PTK2B: variants seen among roughly 807,000 people sequenced by gnomAD.
The protein encoded by PTK2B is protein-tyrosine kinase 2-beta.
Under a neutral mutation model 142.9 loss-of-function variants are expected in PTK2B, and 71 were observed. That is an observed-to-expected ratio of 0.50 (90% CI 0.41 to 0.61). The LOEUF is 0.61. Ranked by LOEUF, PTK2B falls within the 20% of genes least tolerant of loss-of-function variation. PTK2B has a pLI of 0.00. For synonymous variants in PTK2B, 519 were observed against 503.4 expected, an observed-to-expected ratio of 1.03 and a Z score of -0.42; for missense variants, 1,105 against 1,320.4, an observed-to-expected ratio of 0.84 and a Z score of 2.53.
At chr8:27,359,922 C>T (rs1314318598) in intron 1 of PTK2B, among the ~76,000 whole-genome samples, 1 of 152,154 alleles carries the variant, frequency 6.6e-6, no homozygotes, top group Non-Finnish European at 1.5e-5. Context: ...CGTTAAACCC[C>T]CGGCCCCAGC....
intron 2 of PTK2B, among the ~76,000 whole-genome samples, chr8:27,409,997 C>A (rs1488690785): frequency 6.6e-6 from 1 of 152,208 alleles, no homozygotes; most frequent in Non-Finnish European, 1.5e-5. Flanking sequence ...GCTGGGATTA[C>A]AAGTGTGAGC....
upstream of PTK2B, among the ~76,000 whole-genome samples, chr8:27,321,654 G>C (rs1803218939): frequency 6.6e-6 from 1 of 152,178 alleles, no homozygotes; most frequent in Non-Finnish European, 1.5e-5. Flanking sequence ...CATGATTCTG[G>C]AGTTGCGTGC....
At chr8:27,327,694 C>T (rs1382373944) in intron 1 of PTK2B, among the ~76,000 whole-genome samples, 1 of 152,162 alleles carries the variant, frequency 6.6e-6, no homozygotes, top group Admixed American at 6.5e-5. Flanking sequence ...TCAGTTTATT[C>T]ATCTATACAG....
At chr8:27,361,805 G>A (rs572262196) in intron 1 of PTK2B, among the ~76,000 whole-genome samples, 23 of 152,232 alleles carry the variant, frequency 1.5e-4, no homozygotes, top group African/African-American at 5.3e-4. Context: ...GTATGTGGAT[G>A]GACTAGGCTG....
chr8:27,392,815 G>A lies in PTK2B; in HGVS notation c.-37-4733G>A, dbSNP rs190524452. 1.8e-4 allele frequency among the ~76,000 whole-genome samples: 28 copies of A among 152,286 alleles called. No individual in the cohort carries two copies. In the East Asian group the frequency reaches 3.7e-3, roughly 20 times the overall value. ...TGGGTGCACTTGAGGAAGTTGCCAT[G>A]TGTCAATAGAGACATGGGCACCACC... is the stretch of plus-strand genomic sequence containing the variant. On this transcript the variant is annotated intron_variant, in intron 1 of 30. Transcript: ENST00000346049.
chr8:27,381,972 C>T (rs765629590), intron 1 of PTK2B, among the ~76,000 whole-genome samples: 44 of 152,126 alleles, frequency 2.9e-4, no homozygotes, highest in Non-Finnish European at 4.3e-4. Flanking sequence ...TTTTCTGAGA[C>T]GGAGTCTCAC....
chr8:27,386,295 G>T (rs1008855893), intron 1 of PTK2B, among the ~76,000 whole-genome samples: 5 of 152,052 alleles, frequency 3.3e-5, no homozygotes, highest in African/African-American at 1.2e-4. Flanking sequence ...CACACCCCTC[G>T]CCTTGGATAG....
At chr8:27,413,615 C>A (rs571500837) in intron 2 of PTK2B, among the ~76,000 whole-genome samples, 44 of 152,296 alleles carry the variant, frequency 2.9e-4, no homozygotes, top group South Asian at 2.1e-3. Context: ...CTTGGTGCAT[C>A]GAGACAGGAA....
At chr8:27,338,524 T>C (rs1016911376) in intron 1 of PTK2B, among the ~76,000 whole-genome samples, 1 of 151,984 alleles carries the variant, frequency 6.6e-6, no homozygotes, top group Non-Finnish European at 1.5e-5. Flanking sequence ...CACCACCTGT[T>C]CCCCAAAAAC....
intron 1 of PTK2B, among the ~76,000 whole-genome samples, chr8:27,366,092 A>G (rs1444441057): frequency 6.6e-6 from 1 of 152,236 alleles, no homozygotes; most frequent in Non-Finnish European, 1.5e-5. Context: ...AAATAGGAGA[A>G]GGACCCACCT....
intron 1 of PTK2B, among the ~76,000 whole-genome samples, chr8:27,333,493 T>G (rs73565953): frequency 0.038 from 5,798 of 152,254 alleles, 370 homozygotes; most frequent in African/African-American, 0.13. Context: ...CACATCTGAA[T>G]AAATTGCGTA....
chr8:27,420,190 G>T, intron 3 of PTK2B, 117 bp downstream of exon 3: 1 of 1,245,700 alleles, frequency 8.0e-7, no homozygotes, highest in East Asian at 2.5e-5. Context: ...GCAAACCTGA[G>T]TGGCATTCTA....
chr8:27,389,630 G>A (rs377190426), intron 1 of PTK2B, among the ~76,000 whole-genome samples: 1 of 152,254 alleles, frequency 6.6e-6, no homozygotes, highest in Non-Finnish European at 1.5e-5. Flanking sequence ...GGGTGCGGGG[G>A]TGGGGAGCTG....
intron 15 of PTK2B, 55 bp downstream of exon 15, chr8:27,436,403 C>A: frequency 6.5e-7 from 1 of 1,532,358 alleles, no homozygotes; most frequent in South Asian, 1.1e-5. Flanking sequence ...TAGGGTGAGA[C>A]AGAGCTCGAA....
chr8:27,458,272 G>A (rs755198523), intron 30 of PTK2B, 22 bp from the exon 31 acceptor site: 1 of 1,608,582 alleles, frequency 6.2e-7, no homozygotes, highest in African/African-American at 1.3e-5. Context: ...CTCTCAACCT[G>A]TCCTGTGTGA....
intron 20 of PTK2B, 126 bp downstream of exon 20, chr8:27,439,524 G>A: frequency 1.9e-6 from 2 of 1,080,416 alleles, no homozygotes; most frequent in South Asian, 2.8e-5. Context: ...CTATTTTGCT[G>A]TGGCCACTGA....
intron 13 of PTK2B, among the ~76,000 whole-genome samples, chr8:27,434,768 A>G (rs1347859469): frequency 6.6e-6 from 1 of 152,272 alleles, no homozygotes; most frequent in South Asian, 2.1e-4. Flanking sequence ...TTGGGAGGCC[A>G]AAGTGGATGG....
At chr8:27,350,876 T>C (rs1226235009) in intron 1 of PTK2B, among the ~76,000 whole-genome samples, 1 of 147,696 alleles carries the variant, frequency 6.8e-6, no homozygotes, top group Non-Finnish European at 1.5e-5. Flanking sequence ...CTTGAGAGGC[T>C]GAGGCAGGAG....
intron 2 of PTK2B, among the ~76,000 whole-genome samples, chr8:27,402,727 A>C (rs1274526600): frequency 6.6e-6 from 1 of 152,246 alleles, no homozygotes; most frequent in African/African-American, 2.4e-5. Flanking sequence ...AATCTGAAGC[A>C]TATGCTCCTA....
Sources: gnomAD v4.1 joint callset for allele counts (sites outside exome capture counted in the v4.1 genomes callset) on GRCh38, gnomAD v4.1.1 for gene constraint, MANE v1.5 for transcripts, NCBI Gene and HGNC (gene_info 2026-07-23, HGNC 2026-07-21) for gene names.